Variants in PTPRD observed in about 807,000 individuals in gnomAD.
PTPRD encodes receptor-type tyrosine-protein phosphatase delta.
Under a neutral mutation model 214.5 loss-of-function variants are expected in PTPRD, and 34 were observed. The ratio of observed to expected loss-of-function variants is 0.16; its 90% confidence interval spans 0.12 to 0.21. The LOEUF (loss-of-function observed/expected upper bound fraction) is 0.21. Among genes scored for constraint, PTPRD ranks in the 10% least tolerant of loss-of-function variants. The pLI, the probability that PTPRD is intolerant of heterozygous loss-of-function variation, is 1.00. For synonymous variants in PTPRD, 1,128 were observed against 845.7 expected (o/e 1.33, Z -5.79); for missense variants, 2,545 against 2,398.7 (o/e 1.06, Z -1.27).
At chr9:10,296,958 A>G (rs1432866751) in intron 3 of PTPRD, among the ~76,000 whole-genome samples, 2 of 151,788 alleles carry the variant, frequency 1.3e-5, no homozygotes, top group Non-Finnish European at 2.9e-5. Flanking sequence ...ATTCTTCATT[A>G]GAAAAGAAGA....
intron 5 of PTPRD, among the ~76,000 whole-genome samples, chr9:9,780,584 C>A (rs1375360760): frequency 6.6e-6 from 1 of 152,064 alleles, no homozygotes; most frequent in African/African-American, 2.4e-5. Flanking sequence ...TTATTAATTG[C>A]TGGTATAATA....
chr9:9,481,777 G>C (rs1345936440), intron 8 of PTPRD, among the ~76,000 whole-genome samples: 1 of 152,060 alleles, frequency 6.6e-6, no homozygotes, highest in Non-Finnish European at 1.5e-5. Flanking sequence ...AGAGGGCTAG[G>C]CCAAGAGAAT....
At chr9:9,272,932 A>T (rs1244206270) in intron 9 of PTPRD, among the ~76,000 whole-genome samples, 1 of 151,338 alleles carries the variant, frequency 6.6e-6, no homozygotes, top group Non-Finnish European at 1.5e-5. Context: ...GGTAATTTAT[A>T]GTTTCAACAT....
intron 11 of PTPRD, among the ~76,000 whole-genome samples, chr9:8,805,595 T>A (rs574268569): frequency 5.1e-4 from 78 of 151,842 alleles, no homozygotes; most frequent in African/African-American, 6.3e-4. Context: ...ATTTTTATTT[T>A]TTATTATTAT....
intron 10 of PTPRD, among the ~76,000 whole-genome samples, chr9:9,087,014 G>C (rs1448529521): frequency 6.6e-6 from 1 of 152,140 alleles, no homozygotes; most frequent in South Asian, 2.1e-4. Flanking sequence ...ACACACACAA[G>C]CTGAATTTTC....
At chr9:9,529,286 A>T (rs1337969934) in intron 8 of PTPRD, among the ~76,000 whole-genome samples, 1 of 151,696 alleles carries the variant, frequency 6.6e-6, no homozygotes, top group African/African-American at 2.4e-5. Context: ...AAAAAAAAAT[A>T]ATAAATGGAT....
intron 8 of PTPRD, among the ~76,000 whole-genome samples, chr9:9,404,572 C>A (rs1033880162): frequency 6.6e-6 from 1 of 152,040 alleles, no homozygotes; most frequent in Non-Finnish European, 1.5e-5. Context: ...TTTACTGTAT[C>A]TGTATCAGCT....
intron 11 of PTPRD, among the ~76,000 whole-genome samples, chr9:8,791,854 G>T (rs1187559550): frequency 6.6e-6 from 1 of 152,030 alleles, no homozygotes; most frequent in Admixed American, 6.6e-5. Flanking sequence ...ATTTCAAAAT[G>T]ATCAAATCAA....
chr9:8,714,307 GT>G (rs58676972), intron 12 of PTPRD, among the ~76,000 whole-genome samples: 68,272 of 150,656 alleles, frequency 0.45, 15,513 homozygotes, highest in Middle Eastern at 0.5. Flanking sequence ...AGCTTATTGG[GT>G]TTTTTTTTGT....
intron 7 of PTPRD, among the ~76,000 whole-genome samples, chr9:9,625,511 G>A (rs1307280506): frequency 6.6e-6 from 1 of 151,728 alleles, no homozygotes; most frequent in Non-Finnish European, 1.5e-5. Flanking sequence ...CAGCTTCTCT[G>A]AATTACTGTG....
intron 21 of PTPRD, among the ~76,000 whole-genome samples, chr9:8,512,488 A>T (rs1318156328): frequency 2.0e-5 from 3 of 152,156 alleles, no homozygotes; most frequent in South Asian, 2.1e-4. Context: ...TTGCTTGTAT[A>T]GGCCTGTTGA....
chr9:10,191,149 GAT>G (rs2099362102), intron 3 of PTPRD, among the ~76,000 whole-genome samples: 1 of 152,000 alleles, frequency 6.6e-6, no homozygotes, highest in African/African-American at 2.4e-5. Flanking sequence ...TTTTTCATAA[GAT>G]ATGCTCATTT....
chr9:10,485,653 C>T (rs904611438), intron 2 of PTPRD, among the ~76,000 whole-genome samples: 1 of 151,854 alleles, frequency 6.6e-6, no homozygotes, highest in African/African-American at 2.4e-5. Flanking sequence ...ATTTCTTTTT[C>T]AGATTGTTCC....
At chr9:8,460,105 T>A (rs1191152661) in intron 33 of PTPRD, among the ~76,000 whole-genome samples, 1 of 152,132 alleles carries the variant, frequency 6.6e-6, no homozygotes, top group African/African-American at 2.4e-5. Flanking sequence ...ATTATTTGCT[T>A]GTGAATGCAC....
chr9:8,451,779 G>A (rs532813678), intron 33 of PTPRD: 2 of 406,718 alleles, frequency 4.9e-6, no homozygotes, highest in East Asian at 7.7e-5. Flanking sequence ...AATGTGTCAG[G>A]CCCAACGACT....
intron 7 of PTPRD, among the ~76,000 whole-genome samples, chr9:9,604,325 T>C (rs1311690177): frequency 6.6e-6 from 1 of 152,138 alleles, no homozygotes; most frequent in African/African-American, 2.4e-5. Flanking sequence ...ATTTTATTTA[T>C]CAAAGTCAAT....
At chr9:9,978,593 T>C (rs990686396) in intron 4 of PTPRD, among the ~76,000 whole-genome samples, 3 of 152,080 alleles carry the variant, frequency 2.0e-5, no homozygotes, top group East Asian at 1.9e-4. Flanking sequence ...CTATTATGAA[T>C]GTCCTTCAGT....
At chr9:10,501,005 T>C (rs1369262484) in intron 2 of PTPRD, among the ~76,000 whole-genome samples, 1 of 152,064 alleles carries the variant, frequency 6.6e-6, no homozygotes. Context: ...AATATGGGAA[T>C]ACAGATGTCT....
intron 7 of PTPRD, among the ~76,000 whole-genome samples, chr9:9,619,241 A>G (rs2095087635): frequency 6.6e-6 from 1 of 152,002 alleles, no homozygotes; most frequent in Admixed American, 6.6e-5. Flanking sequence ...TGGTTGTTTA[A>G]GATTATAGAC....
Sources: allele counts gnomAD v4.1 joint callset (sites outside exome capture counted in the v4.1 genomes callset), GRCh38; gene constraint gnomAD v4.1.1; transcripts MANE v1.5; gene names NCBI Gene and HGNC (gene_info 2026-07-23, HGNC 2026-07-21).